The following RPS6KC1 variants were observed in gnomAD, a reference collection of about 807,000 sequenced individuals.
RPS6KC1 encodes ribosomal protein S6 kinase C1, also known as inactive ribosomal protein S6 kinase delta-1.
A neutral mutation model predicts 103.8 loss-of-function variants in RPS6KC1; 54 were observed. The observed-to-expected ratio is 0.52, with a 90% CI of 0.42 to 0.65. The LOEUF (loss-of-function observed/expected upper bound fraction) is 0.65. Among genes scored for constraint, RPS6KC1 ranks in the 30% least tolerant of loss-of-function variants. The pLI, the probability that RPS6KC1 is intolerant of heterozygous loss-of-function variation, is 0.00. For synonymous variants in RPS6KC1, 439 were observed against 438.7 expected, an observed-to-expected ratio of 1.00 and a Z score of -0.01; for missense variants, 1,151 against 1,253.8, an observed-to-expected ratio of 0.92 and a Z score of 1.24.
At chr1:213,773,190 G>A in the RPS6KC1 span, among the ~76,000 whole-genome samples, 2,558 of 151,696 alleles carry the variant, frequency 0.017, 63 homozygotes, top group Admixed American at 0.07. Flanking sequence ...GATTTGATTC[G>A]GCTGGATATG....
chr1:213,850,201 T>C, the RPS6KC1 span, among the ~76,000 whole-genome samples: 1 of 152,206 alleles, frequency 6.6e-6, no homozygotes, highest in African/African-American at 2.4e-5. Context: ...GCTTCTGCCA[T>C]TTTACTTTTA....
chr1:213,569,813 T>G, the RPS6KC1 span, among the ~76,000 whole-genome samples: 7 of 152,160 alleles, frequency 4.6e-5, no homozygotes, highest in Non-Finnish European at 5.9e-5. Flanking sequence ...AAACAGGTAT[T>G]GAGAAACTCG....
the RPS6KC1 span, among the ~76,000 whole-genome samples, chr1:213,437,462 T>G: frequency 6.6e-6 from 1 of 152,062 alleles, no homozygotes; most frequent in South Asian, 2.1e-4. Flanking sequence ...CTTGTTTTTT[T>G]ACTCTTGTGA....
chr1:213,577,908 T>C, the RPS6KC1 span, among the ~76,000 whole-genome samples: 1 of 152,246 alleles, frequency 6.6e-6, no homozygotes, highest in African/African-American at 2.4e-5. Flanking sequence ...TCAAGTTGGC[T>C]GCATACATTT....
the RPS6KC1 span, among the ~76,000 whole-genome samples, chr1:213,825,917 G>A: frequency 6.6e-6 from 1 of 152,138 alleles, no homozygotes; most frequent in African/African-American, 2.4e-5. Context: ...TTTAATTAAA[G>A]CCCATGAACT....
chr1:213,409,548 C>T, the RPS6KC1 span, among the ~76,000 whole-genome samples: 1 of 152,118 alleles, frequency 6.6e-6, no homozygotes, highest in Non-Finnish European at 1.5e-5. Context: ...TTCAGCTTAG[C>T]TGATTTGTGG....
At chr1:213,426,225 A>G in the RPS6KC1 span, among the ~76,000 whole-genome samples, 6 of 151,884 alleles carry the variant, frequency 4.0e-5, no homozygotes, top group Admixed American at 1.3e-4. Flanking sequence ...TGTGTCTGGT[A>G]TTGTGTTCTA....
the RPS6KC1 span, among the ~76,000 whole-genome samples, chr1:213,723,932 T>TGGTTGGGG: frequency 9.0e-6 from 1 of 111,672 alleles, no homozygotes; most frequent in Admixed American, 1.0e-4. Flanking sequence ...AGTATGGGGG[T>TGGTTGGGG]GGTTGGGGGG....
At chr1:213,507,618 A>G in the RPS6KC1 span, among the ~76,000 whole-genome samples, 3 of 151,314 alleles carry the variant, frequency 2.0e-5, no homozygotes, top group Admixed American at 2.0e-4. Flanking sequence ...TCCACCGCTC[A>G]GAGCCCTGGT....
At chr1:213,559,092 T>C in the RPS6KC1 span, among the ~76,000 whole-genome samples, 1 of 152,230 alleles carries the variant, frequency 6.6e-6, no homozygotes, top group Non-Finnish European at 1.5e-5. Context: ...CTGATTGATA[T>C]AGAAAGCAAA....
the RPS6KC1 span, among the ~76,000 whole-genome samples, chr1:213,860,984 T>G: frequency 6.6e-6 from 1 of 152,030 alleles, no homozygotes; most frequent in Non-Finnish European, 1.5e-5. Context: ...AATTTTTGTA[T>G]ATTTTGTAAA....
the RPS6KC1 span, among the ~76,000 whole-genome samples, chr1:213,485,040 A>AT: frequency 2.3e-3 from 343 of 151,874 alleles, no homozygotes; most frequent in African/African-American, 8.0e-3. Flanking sequence ...TTTGTTTTTT[A>AT]TTTTTTGTAG....
the RPS6KC1 span, among the ~76,000 whole-genome samples, chr1:213,701,594 G>A: frequency 6.6e-6 from 1 of 151,908 alleles, no homozygotes; most frequent in Non-Finnish European, 1.5e-5. Flanking sequence ...CTCATTACTT[G>A]TTGTTGGTTT....
chr1:213,251,454 T>C (rs1051390150), intron 12 of RPS6KC1, among the ~76,000 whole-genome samples: 1 of 152,176 alleles, frequency 6.6e-6, no homozygotes, highest in Admixed American at 6.5e-5. Context: ...CAGAGCAAAC[T>C]GTACCTTCCA....
At chr1:213,396,672 A>G in the RPS6KC1 span, among the ~76,000 whole-genome samples, 3 of 152,266 alleles carry the variant, frequency 2.0e-5, no homozygotes, top group Middle Eastern at 6.8e-3. Context: ...TTGTCTGTAC[A>G]TGCTCTCCTC....
At chr1:213,115,649 G>T (rs1385319641) in intron 4 of RPS6KC1, among the ~76,000 whole-genome samples, 1 of 151,654 alleles carries the variant, frequency 6.6e-6, no homozygotes, top group Non-Finnish European at 1.5e-5. Flanking sequence ...TGATGTTAGG[G>T]TGTCAATTTT....
the RPS6KC1 span, among the ~76,000 whole-genome samples, chr1:213,849,572 A>T: frequency 6.6e-6 from 1 of 152,120 alleles, no homozygotes; most frequent in African/African-American, 2.4e-5. Flanking sequence ...CATTTTTTCA[A>T]AGCTTTTTCT....
chr1:213,151,342 G>C (rs543805754), intron 6 of RPS6KC1, among the ~76,000 whole-genome samples: 1 of 132,012 alleles, frequency 7.6e-6, no homozygotes, highest in South Asian at 2.4e-4. Context: ...GGCCGGGCGG[G>C]GGGCTAACCC....
chr1:213,426,890 C>T, the RPS6KC1 span, among the ~76,000 whole-genome samples: 1 of 152,204 alleles, frequency 6.6e-6, no homozygotes, highest in Admixed American at 6.5e-5. Flanking sequence ...AAAACCCCTA[C>T]TATGTTTGTG....
Sources: gnomAD v4.1 joint callset for allele counts (sites outside exome capture counted in the v4.1 genomes callset) on GRCh38, gnomAD v4.1.1 for gene constraint, MANE v1.5 for transcripts, NCBI Gene and HGNC (gene_info 2026-07-23, HGNC 2026-07-21) for gene names.